Variants in NKAIN2 observed in about 807,000 individuals in gnomAD.
The protein encoded by NKAIN2 is sodium/potassium-transporting ATPase subunit beta-1-interacting protein 2.
NKAIN2 carries 14 observed loss-of-function variants against 32.6 expected under a neutral mutation model. That is an observed-to-expected ratio of 0.43 (90% CI 0.28 to 0.67). The LOEUF (loss-of-function observed/expected upper bound fraction) is 0.67. NKAIN2 is among the 30% of genes least tolerant of loss of function. NKAIN2 has a pLI of 0.17. For synonymous variants in NKAIN2, 80 were observed against 87.2 expected (o/e 0.92, Z 0.46); for missense variants, 198 against 258.3 (o/e 0.77, Z 1.60).
At chr6:124,040,365 T>A (rs1387359149) in intron 1 of NKAIN2, among the ~76,000 whole-genome samples, 1 of 151,980 alleles carries the variant, frequency 6.6e-6, no homozygotes, top group Non-Finnish European at 1.5e-5. Context: ...CCAAGTTGAA[T>A]ACATTATATA....
At chr6:124,032,279 G>T (rs1781439405) in intron 1 of NKAIN2, among the ~76,000 whole-genome samples, 1 of 107,262 alleles carries the variant, frequency 9.3e-6, no homozygotes, top group Admixed American at 1.2e-4. Flanking sequence ...GGGGAGGGGG[G>T]AGGGATAGCA....
In NKAIN2 at chr6:124,549,626, AGTTGTCAT is replaced by A. The variant is rs139730809; in HGVS notation, c.274-108558_274-108551del. Among the ~76,000 whole-genome samples the A allele has an allele frequency of 3.4e-3, 515 of 152,300 alleles. 2 individuals are homozygous for A. Among genetic ancestry groups the A allele is most frequent in the African/African-American group, 0.012 (495 of 41,562 alleles). On this transcript the variant is annotated intron_variant, in intron 3 of 6. Coordinates refer to ENST00000368417, the MANE Select transcript of NKAIN2 (RefSeq NM_001040214.3). ...TGTCCCAGGATCCCACATCTCGTTT[AGTTGTCAT>A]GATGCCTTCTCTCCTCGAATCTGAG... is the stretch of plus-strand genomic sequence containing the variant.
intron 1 of NKAIN2, among the ~76,000 whole-genome samples, chr6:123,990,636 A>G (rs1779372960): frequency 6.6e-6 from 1 of 152,150 alleles, no homozygotes; most frequent in Non-Finnish European, 1.5e-5. Context: ...TATGGCTCTC[A>G]TTAATCATCT....
intron 3 of NKAIN2, among the ~76,000 whole-genome samples, chr6:124,466,241 A>T (rs1018759182): frequency 6.6e-6 from 1 of 152,116 alleles, no homozygotes; most frequent in African/African-American, 2.4e-5. Flanking sequence ...GCCAACCATG[A>T]CGTTATAACT....
intron 3 of NKAIN2, among the ~76,000 whole-genome samples, chr6:124,427,697 G>A (rs1321131325): frequency 6.6e-6 from 1 of 152,076 alleles, no homozygotes; most frequent in Non-Finnish European, 1.5e-5. Flanking sequence ...AGAGGTGCCT[G>A]AAATACGATC....
At chr6:123,984,066 C>T (rs1779026201) in intron 1 of NKAIN2, among the ~76,000 whole-genome samples, 3 of 152,078 alleles carry the variant, frequency 2.0e-5, no homozygotes, top group Admixed American at 2.0e-4. Flanking sequence ...TGCCACCACA[C>T]CCGGCTAATT....
At chr6:124,666,318 A>G (rs998175763) in intron 4 of NKAIN2, among the ~76,000 whole-genome samples, 1 of 152,202 alleles carries the variant, frequency 6.6e-6, no homozygotes, top group Admixed American at 6.5e-5. Flanking sequence ...GAAGGTGGTA[A>G]GTAGAACAGG....
intron 1 of NKAIN2, chr6:124,121,832 G>A (rs1252368516): frequency 7.3e-6 from 5 of 684,330 alleles, no homozygotes; most frequent in African/African-American, 1.9e-5. Flanking sequence ...CTTTAAATGG[G>A]TCACCCTCTA....
chr6:124,718,736 G>C (rs982101924), intron 4 of NKAIN2, among the ~76,000 whole-genome samples: 2 of 151,924 alleles, frequency 1.3e-5, no homozygotes, highest in South Asian at 2.1e-4. Flanking sequence ...TTTGCAACAT[G>C]TGCTGGCAGA....
chr6:124,181,579 T>A (rs1346552439), intron 1 of NKAIN2, among the ~76,000 whole-genome samples: 3 of 152,170 alleles, frequency 2.0e-5, no homozygotes, highest in Non-Finnish European at 4.4e-5. Flanking sequence ...AGAATGAAAG[T>A]CACCTCTTGA....
intron 4 of NKAIN2, among the ~76,000 whole-genome samples, chr6:124,671,515 T>C (rs1773099590): frequency 6.6e-6 from 1 of 152,116 alleles, no homozygotes; most frequent in African/African-American, 2.4e-5. Context: ...CATCTATAGC[T>C]TTCCTCTATT....
chr6:123,901,147 A>G (rs923775561), intron 1 of NKAIN2, among the ~76,000 whole-genome samples: 1 of 152,170 alleles, frequency 6.6e-6, no homozygotes, highest in Non-Finnish European at 1.5e-5. Flanking sequence ...ACTTTGAACT[A>G]TAATCTCCAT....
rs1783488212 is a variant in NKAIN2 at position 124,071,981 on chromosome 6, T to A, written c.55-211024T>A. Among the ~76,000 whole-genome samples, 6 of 152,038 alleles carry A rather than the reference T, an allele frequency of 3.9e-5. No individual in the cohort carries two copies. The South Asian group carries it at 1.2e-3, about 32-fold the overall frequency. On this transcript the variant is annotated intron_variant, in intron 1 of 6. Transcript: ENST00000368417. ...TAGCAATACCATTATTGGATATATATCCGAAAGAAAATAAATTTTTCTACC... is the reference window on the plus strand; with the variant it reads ...TAGCAATACCATTATTGGATATATAACCGAAAGAAAATAAATTTTTCTACC...
At chr6:124,011,246 A>G (rs922269051) in intron 1 of NKAIN2, among the ~76,000 whole-genome samples, 1 of 151,792 alleles carries the variant, frequency 6.6e-6, no homozygotes, top group African/African-American at 2.4e-5. Flanking sequence ...CTTTTTCTCC[A>G]TTCACACCTC....
At chr6:124,711,134 T>C (rs1450119253) in intron 4 of NKAIN2, among the ~76,000 whole-genome samples, 1 of 141,664 alleles carries the variant, frequency 7.1e-6, no homozygotes, top group East Asian at 2.0e-4. Context: ...AAAATTCTTT[T>C]CTTTAAGAAT....
rs535233293 is a variant in NKAIN2 at position 124,790,016 on chromosome 6, C to T, written c.475-1323C>T. 1.1e-4 allele frequency among the ~76,000 whole-genome samples: 17 copies of T among 152,140 alleles called. 1 individual carries two copies. The South Asian group carries it at 3.1e-3, about 28-fold the overall frequency. ...ACAAAAGCGTTTGAAGACTGTGTTG[C>T]GTAAGTCTTCTTCCTTCAACTCTGC... On this transcript the variant is annotated intron_variant, in intron 4 of 6. Coordinates refer to ENST00000368417, the MANE Select transcript of NKAIN2 (RefSeq NM_001040214.3).
chr6:124,042,326 G>T (rs1181242985), intron 1 of NKAIN2, among the ~76,000 whole-genome samples: 1 of 152,012 alleles, frequency 6.6e-6, no homozygotes, highest in East Asian at 1.9e-4. Flanking sequence ...TATGGCCCTT[G>T]TCAGTGGTAC....
chr6:124,169,448 A>G (rs1788737882), intron 1 of NKAIN2, among the ~76,000 whole-genome samples: 1 of 152,174 alleles, frequency 6.6e-6, no homozygotes, highest in Non-Finnish European at 1.5e-5. Flanking sequence ...TTGATGGCTG[A>G]TCTAGAATTG....
intron 1 of NKAIN2, among the ~76,000 whole-genome samples, chr6:123,876,090 C>T (rs576557071): frequency 6.6e-6 from 1 of 152,088 alleles, no homozygotes; most frequent in Non-Finnish European, 1.5e-5. Context: ...ATTTAGACTA[C>T]CAGATAAAAT....
Sources: gnomAD v4.1 joint callset for allele counts (sites outside exome capture counted in the v4.1 genomes callset) on GRCh38, gnomAD v4.1.1 for gene constraint, MANE v1.5 for transcripts, NCBI Gene and HGNC (gene_info 2026-07-23, HGNC 2026-07-21) for gene names.